The following NT5DC3 variants were observed in gnomAD, a reference collection of about 807,000 sequenced individuals.
NT5DC3 encodes the protein 5'-nucleotidase domain containing 3.
In NT5DC3, 42 loss-of-function variants were observed where a neutral mutation model predicts 67.8. The observed-to-expected ratio is 0.62, with a 90% CI of 0.48 to 0.80. The LOEUF is 0.80. Ranked by LOEUF, NT5DC3 falls within the 30% of genes least tolerant of loss-of-function variation. The probability of loss-of-function intolerance (pLI) is 0.00; values close to 1 mark genes in which losing one functional copy is unlikely to be tolerated. For missense variants in NT5DC3, 570 were observed against 696.4 expected (o/e 0.82, Z 2.04); for synonymous variants, 237 against 255.6 (o/e 0.93, Z 0.69).
At chr12:103,746,675 A>G in the NT5DC3 span, 1 of 1,614,026 alleles carries the variant, frequency 6.2e-7, no homozygotes, top group Non-Finnish European at 8.5e-7. Flanking sequence ...TGTAACCTGG[A>G]TTATGAAGGT....
intron 1 of NT5DC3, among the ~76,000 whole-genome samples, chr12:103,833,511 C>A (rs1302073122): frequency 6.6e-6 from 1 of 152,088 alleles, no homozygotes; most frequent in Non-Finnish European, 1.5e-5. Flanking sequence ...CTTACATCAT[C>A]ATGTAGACAC....
chr12:103,785,807 A>T, intron 11 of NT5DC3: 1 of 469,208 alleles, frequency 2.1e-6, no homozygotes, highest in South Asian at 1.7e-5. Context: ...AAGGGGCTTG[A>T]CCTAAATGCT....
chr12:103,782,189 G>A (rs1885584132), intron 12 of NT5DC3, among the ~76,000 whole-genome samples: 1 of 152,146 alleles, frequency 6.6e-6, no homozygotes, highest in African/African-American at 2.4e-5. Flanking sequence ...GGCCAACATG[G>A]TGAAACCCAG....
At chr12:103,840,378 CTCAT>C (rs1888335585) in intron 1 of NT5DC3, among the ~76,000 whole-genome samples, 2 of 23,290 alleles carry the variant, frequency 8.6e-5, no homozygotes, top group Admixed American at 1.1e-3. Flanking sequence ...CACCGCACAG[CTCAT>C]CTCATCTCAT....
At chr12:103,805,870 A>G (rs1349840556) in intron 4 of NT5DC3, among the ~76,000 whole-genome samples, 2 of 131,638 alleles carry the variant, frequency 1.5e-5, no homozygotes, top group Non-Finnish European at 3.2e-5. Context: ...AAAAAAAAAA[A>G]GTCTCAATAT....
At chr12:103,797,105 C>T in intron 5 of NT5DC3, 74 bp from the exon 6 acceptor site, 1 of 1,515,626 alleles carries the variant, frequency 6.6e-7, no homozygotes, top group South Asian at 1.1e-5. Context: ...GCACCAGGAA[C>T]AGCAGGAAGC....
chr12:103,812,967 G>A (rs1297211641), intron 2 of NT5DC3, among the ~76,000 whole-genome samples: 1 of 152,222 alleles, frequency 6.6e-6, no homozygotes, highest in East Asian at 1.9e-4. Flanking sequence ...GAAAACTGAG[G>A]TCCAGAGGAA....
At chr12:103,747,781 G>A in the NT5DC3 span, among the ~76,000 whole-genome samples, 1 of 152,084 alleles carries the variant, frequency 6.6e-6, no homozygotes, top group Non-Finnish European at 1.5e-5. Context: ...GATCACTTGA[G>A]GTCAGGAGTT....
chr12:103,805,300 A>C (rs1003020449), intron 4 of NT5DC3, among the ~76,000 whole-genome samples: 1 of 152,228 alleles, frequency 6.6e-6, no homozygotes, highest in Admixed American at 6.5e-5. Flanking sequence ...TAAAGGTTTT[A>C]GGGGCAGAGG....
At position 103,793,481 on chromosome 12, in the gene NT5DC3, G is replaced by A. The variant is rs75630524; in HGVS notation, c.846C>T (p.Arg282=). The A allele has an allele frequency of 6.1e-5, 99 of 1,613,910 alleles. 1 individual carries two copies. Among genetic ancestry groups the A allele is most frequent in the South Asian group, 1.2e-4 (11 of 91,084 alleles). ...GATCAGCCAGTTTGGCCAACACTGC[G>A]CGGGTCTGCTCAGCATAGCAGATGT... The part of the protein sequence containing the change: ...EKYICYAEQT[R]AVLAKLADHG... Residue 282 remains arginine, a synonymous_variant, in exon 8 of 14, where the codon CGC becomes CGT. Coordinates refer to ENST00000392876, the MANE Select transcript of NT5DC3 (RefSeq NM_001031701.3).
chr12:103,770,939 C>T (rs1230796821), downstream of NT5DC3: 1 of 152,244 alleles, frequency 6.6e-6, no homozygotes, highest in Non-Finnish European at 1.5e-5. Flanking sequence ...CTCCCTCAAC[C>T]TATCTACCAT....
At chr12:103,831,768 C>CCCT (rs1371048437) in intron 1 of NT5DC3, among the ~76,000 whole-genome samples, 1 of 136,968 alleles carries the variant, frequency 7.3e-6, no homozygotes, top group African/African-American at 2.8e-5. Context: ...TTTCAGCATC[C>CCCT]TCTTTTTTTT....
the NT5DC3 span, among the ~76,000 whole-genome samples, chr12:103,756,980 G>T: frequency 9.4e-6 from 1 of 106,822 alleles, no homozygotes. Flanking sequence ...GGCCTCAGTA[G>T]CCCAGAAGGA....
At chr12:103,791,532 G>T (rs1886061545) in intron 9 of NT5DC3, among the ~76,000 whole-genome samples, 1 of 151,958 alleles carries the variant, frequency 6.6e-6, no homozygotes, top group Non-Finnish European at 1.5e-5. Flanking sequence ...CCCTGGCCTG[G>T]AGCCAAATTC....
chr12:103,766,275 C>G (rs1305342486), downstream of NT5DC3: 1 of 1,614,072 alleles, frequency 6.2e-7, no homozygotes, highest in South Asian at 1.1e-5. Flanking sequence ...TTACAACCCT[C>G]TCTTTTCCAG....
intron 1 of NT5DC3, among the ~76,000 whole-genome samples, chr12:103,820,576 A>C (rs1652012032): frequency 6.6e-6 from 1 of 152,188 alleles, no homozygotes; most frequent in Non-Finnish European, 1.5e-5. Context: ...GAAATGCTAA[A>C]TGACTCTCCC....
the NT5DC3 span, among the ~76,000 whole-genome samples, chr12:103,756,799 G>A: frequency 5.3e-5 from 8 of 152,050 alleles, no homozygotes; most frequent in African/African-American, 1.9e-4. Context: ...TCTGTCCACA[G>A]ACCAAAGATA....
At chr12:103,755,747 C>T in the NT5DC3 span, 1 of 1,611,480 alleles carries the variant, frequency 6.2e-7, no homozygotes, top group South Asian at 1.1e-5. Flanking sequence ...TGGTTTGCCT[C>T]AGGCAGGGAG....
chr12:103,783,843 C>T (rs969880744), intron 12 of NT5DC3, among the ~76,000 whole-genome samples: 4 of 151,156 alleles, frequency 2.6e-5, no homozygotes, highest in Non-Finnish European at 5.9e-5. Context: ...ATACCATCTA[C>T]GTGCAGTTGT....
Sources: allele counts gnomAD v4.1 joint callset (sites outside exome capture counted in the v4.1 genomes callset), GRCh38; gene constraint gnomAD v4.1.1; transcripts MANE v1.5; gene names NCBI Gene and HGNC (gene_info 2026-07-23, HGNC 2026-07-21).